NAB1: variants seen among roughly 807,000 people sequenced by gnomAD.
NAB1 encodes the protein NGFI-A binding protein 1.
NAB1 carries 25 observed loss-of-function variants against 49.9 expected under a neutral mutation model. The ratio of observed to expected loss-of-function variants is 0.50; its 90% CI spans 0.37 to 0.70. The LOEUF is 0.70. Among genes scored for constraint, NAB1 ranks in the 30% least tolerant of loss-of-function variants. The pLI, the probability that NAB1 is intolerant of heterozygous loss-of-function variation, is 0.00. For synonymous variants in NAB1, 198 were observed against 215.6 expected (o/e 0.92, Z 0.71); for missense variants, 489 against 575.9 (o/e 0.85, Z 1.54).
At chr2:190,662,829 T>G (rs989583294) in intron 4 of NAB1, among the ~76,000 whole-genome samples, 1 of 151,510 alleles carries the variant, frequency 6.6e-6, no homozygotes, top group African/African-American at 2.4e-5. Context: ...AAGAGGAGAA[T>G]GTAGTCAGCG....
rs1695209409 is a variant in NAB1, at chr2:190,679,140, T to C, written c.1006-4598T>C. Among the ~76,000 whole-genome samples, 1 of 152,236 alleles carries C rather than the reference T, an allele frequency of 6.6e-6. No homozygotes were observed. Among genetic ancestry groups the C allele is most frequent in the Non-Finnish European group, 1.5e-5 (1 of 68,042 alleles). ...TAGATTGCTCATAGTATGGTGCAGC[T>C]AGCTGGTGCCTGGGAAACAAGCTTA... On this transcript the variant is annotated intron_variant, in intron 6 of 9. Coordinates refer to ENST00000337386, the MANE Select transcript of NAB1 (RefSeq NM_005966.4). The surrounding 1 kb of genome is among the most constrained non-coding windows in gnomAD (Gnocchi z 5.3).
Position 190,659,760 on chromosome 2 carries a change from C to T in NAB1, c.584C>T (p.Ala195Val). The change falls in exon 4 of 10, where the codon GCT (alanine) becomes GTT (valine). Residue 195 changes from alanine to valine, a missense_variant. Physicochemically the swap from Ala to Val is moderately conservative, Grantham distance 64. Around this residue, in one of 4 missense-constraint regions of NAB1, gnomAD observed 204 missense variants for 220.9 expected, o/e 0.92. Transcript: ENST00000337386. The surrounding 1 kb of genome is among the most constrained non-coding windows in gnomAD (Gnocchi z 6.2). ...KESSEALDAA[A>V]ALSVAECVER... ...AGCAGTGAGGCGCTGGATGCTGCTGCTGCGCTCTCTGTGGCTGAGTGTGTG... is the reference window on the plus strand; with the variant it reads ...AGCAGTGAGGCGCTGGATGCTGCTGTTGCGCTCTCTGTGGCTGAGTGTGTG... 1 of 1,614,078 alleles carries T rather than the reference C, an allele frequency of 6.2e-7. No individual in the cohort carries two copies. Among genetic ancestry groups the T allele is most frequent in the Non-Finnish European group, 8.5e-7 (1 of 1,179,956 alleles).
chr2:190,664,526 TTTCCTTCCTTCCTTCC>T (rs112074461), intron 4 of NAB1, among the ~76,000 whole-genome samples: 11 of 127,624 alleles, frequency 8.6e-5, no homozygotes, highest in East Asian at 2.3e-4. Context: ...TCTTTTCTTT[TTTCCTTCCTTCCTTCC>T]TTCCTTCCTT....
Position 190,678,786 on chromosome 2 carries a change from C to T in NAB1, c.1006-4952C>T, listed in dbSNP as rs1471409804. Among the ~76,000 whole-genome samples, 5 of 152,176 alleles carry T rather than the reference C, an allele frequency of 3.3e-5. No homozygotes were observed. The highest frequency in any genetic ancestry group is 6.5e-5 in the Admixed American group (1 of 15,274). ...CTGGTCTAATTTGACGTAGACTCTT[C>T]CCCTCTGGATCAGAAAAAACAGAAG... On this transcript the variant is annotated intron_variant, in intron 6 of 9. Transcript: ENST00000337386. The surrounding 1 kb of genome is among the most constrained non-coding windows in gnomAD (Gnocchi z 4.9).
rs1471248100 is a variant in NAB1 at position 190,684,134 on chromosome 2, C to T, written c.1095+307C>T. On this transcript the variant is annotated intron_variant, in intron 7 of 9. Coordinates refer to ENST00000337386, the MANE Select transcript of NAB1 (RefSeq NM_005966.4). This position sits in a 1 kb window ranked among gnomAD's most constrained non-coding sequence, Gnocchi z 4.6. ...TAATCAGGAAAACCAGCCATGTTGA[C>T]CATGGCTGTGTGTAATGCAACTCTG... Among the ~76,000 whole-genome samples the T allele has an allele frequency of 6.6e-6, 1 of 152,142 alleles. No individual in the cohort carries two copies. The highest frequency in any genetic ancestry group is 1.5e-5 in the Non-Finnish European group (1 of 68,032).
At position 190,689,545 on chromosome 2, in the gene NAB1, G is replaced by A. The variant is rs1413980715; in HGVS notation, c.1376-700G>A. 6.6e-6 allele frequency among the ~76,000 whole-genome samples: 1 copy of A among 152,114 alleles called. No individual in the cohort carries two copies. The highest frequency in any genetic ancestry group is 2.4e-5 in the African/African-American group (1 of 41,408). On this transcript the variant is annotated intron_variant, in intron 9 of 9. Coordinates refer to ENST00000337386, the MANE Select transcript of NAB1 (RefSeq NM_005966.4). This position sits in a 1 kb window ranked among gnomAD's most constrained non-coding sequence, Gnocchi z 4.3. ...TGGATGTTTGCATGTATATGTGTGT[G>A]TACATATCTCCCAGTATTTGTACTT... is the stretch of plus-strand genomic sequence containing the variant.
rs1219937520 is a variant in NAB1 at position 190,654,274 on chromosome 2, A to T, written c.-196-1703A>T. 6.6e-6 allele frequency among the ~76,000 whole-genome samples: 1 copy of T among 152,200 alleles called. No homozygotes were observed. The highest frequency in any genetic ancestry group is 1.9e-4 in the East Asian group (1 of 5,196). On this transcript the variant is annotated intron_variant, in intron 2 of 9. Transcript: ENST00000337386. The surrounding 1 kb of genome is among the most constrained non-coding windows in gnomAD (Gnocchi z 5.6). ...CTGCACAGCATTTACCACATTGTTTAAGTCTCTGCTTCTTGTCTCTCCTTG... is the reference window on the plus strand; with the variant it reads ...CTGCACAGCATTTACCACATTGTTTTAGTCTCTGCTTCTTGTCTCTCCTTG...
Position 190,659,632 on chromosome 2 carries a change from G to A in NAB1, c.456G>A (p.Leu152=). ...CAGATGTGGTTGGGAGCCTAGCACT[G>A]CAGAGTGTTGGTGAGTCCAGACTCT... The part of the protein sequence containing the change: ...GKSDVVGSLA[L]QSVGESRLWQ... Residue 152 remains leucine, a synonymous_variant, in exon 4 of 10, where the codon CTG becomes CTA. Transcript: ENST00000337386. This position sits in a 1 kb window ranked among gnomAD's most constrained non-coding sequence, Gnocchi z 6.2. 1.2e-6 allele frequency: 2 copies of A among 1,614,110 alleles called. No individual in the cohort carries two copies. The highest frequency in any genetic ancestry group is 1.7e-6 in the Non-Finnish European group (2 of 1,180,032).
chr2:190,664,961 T>C (rs144205474), intron 4 of NAB1, among the ~76,000 whole-genome samples: 91 of 152,238 alleles, frequency 6.0e-4, no homozygotes, highest in Non-Finnish European at 1.0e-3. Context: ...ATATACTTTC[T>C]GTACAGATTT....
At position 190,663,894 on chromosome 2, in the gene NAB1, CA is replaced by C. The variant is rs1484419009; in HGVS notation, c.819+3902del. 1.3e-5 allele frequency among the ~76,000 whole-genome samples: 2 copies of C among 151,552 alleles called. No individual in the cohort carries two copies. Among genetic ancestry groups the C allele is most frequent in the Non-Finnish European group, 2.9e-5 (2 of 67,836 alleles). On this transcript the variant is annotated intron_variant, in intron 4 of 9. Transcript: ENST00000337386. The surrounding 1 kb of genome is among the most constrained non-coding windows in gnomAD (Gnocchi z 4.2). ...TTATTTAAAAGTGTTTCTTTATTTC[CA>C]AATATGAGTAATTTTTTTTCCTTAT... is the stretch of plus-strand genomic sequence containing the variant.
chr2:190,690,167 G>T (rs1695885227), intron 9 of NAB1, 78 bp from the exon 10 acceptor site: 14 of 1,017,682 alleles, frequency 1.4e-5, no homozygotes, highest in Admixed American at 5.4e-5. Flanking sequence ...GAGTTTGGGG[G>T]TTTGTTTTAA....
chr2:190,688,834 T>A (rs1377078366), intron 9 of NAB1, among the ~76,000 whole-genome samples: 3 of 152,096 alleles, frequency 2.0e-5, no homozygotes, highest in East Asian at 3.9e-4. Context: ...TTTCTTTTCT[T>A]TTCTTCCTTT....
In NAB1 at chr2:190,678,094, T is replaced by C. The variant is rs1161896506; in HGVS notation, c.1005+4942T>C. 2.0e-5 allele frequency among the ~76,000 whole-genome samples: 3 copies of C among 152,260 alleles called. No homozygotes were observed. The highest frequency in any genetic ancestry group is 2.9e-5 in the Non-Finnish European group (2 of 68,046). On this transcript the variant is annotated intron_variant, in intron 6 of 9. Coordinates refer to ENST00000337386, the MANE Select transcript of NAB1 (RefSeq NM_005966.4). The surrounding 1 kb of genome is among the most constrained non-coding windows in gnomAD (Gnocchi z 4.9). ...TATAAGAAATTTTCATTTGATATGC[T>C]GATTGTTTATGAGTAAAAACCTTGT...
rs1488001920 is a variant in NAB1 at position 190,669,049 on chromosome 2, C to G, written c.820-1277C>G. Among the ~76,000 whole-genome samples, 7 of 152,174 alleles carry G rather than the reference C, an allele frequency of 4.6e-5. No homozygotes were observed. The highest frequency in any genetic ancestry group is 8.8e-5 in the Non-Finnish European group (6 of 68,042). On this transcript the variant is annotated intron_variant, in intron 4 of 9. Transcript: ENST00000337386. The surrounding 1 kb of genome is among the most constrained non-coding windows in gnomAD (Gnocchi z 4.3). The stretch of plus-strand genomic sequence containing the variant: ...AATAAGGGTAACTGGAATATGAGCA[C>G]TGAGATATCAGAAGAGTCCATCTGT...
At chr2:190,653,511 C>A (rs1008955186) in intron 2 of NAB1, among the ~76,000 whole-genome samples, 1 of 152,110 alleles carries the variant, frequency 6.6e-6, no homozygotes, top group Non-Finnish European at 1.5e-5. Flanking sequence ...ATAAATAAGT[C>A]AGGCCTTACT....
chr2:190,687,500 G>C (rs1695677819), intron 9 of NAB1, among the ~76,000 whole-genome samples, 183 bp downstream of exon 9: 1 of 151,006 alleles, frequency 6.6e-6, no homozygotes, highest in Non-Finnish European at 1.5e-5. Context: ...AATGTTTTGA[G>C]TGTCAGAATG....
In NAB1 at chr2:190,692,739, T is replaced by A. The variant is rs115772259; in HGVS notation, c.*2406T>A. On this transcript the variant is annotated 3_prime_UTR_variant, in exon 10 of 10. Coordinates refer to ENST00000337386, the MANE Select transcript of NAB1 (RefSeq NM_005966.4). This position sits in a 1 kb window ranked among gnomAD's most constrained non-coding sequence, Gnocchi z 5.2. ...GTGGGACGAATGCACTTGCTTCCTGTGGCAATAAAGATTTTCTGTGCCTCA... is the reference window on the plus strand; with the variant it reads ...GTGGGACGAATGCACTTGCTTCCTGAGGCAATAAAGATTTTCTGTGCCTCA... The A allele has an allele frequency of 1.0e-4, 16 of 152,778 alleles. No homozygotes were observed. The highest frequency in any genetic ancestry group is 2.1e-4 in the Non-Finnish European group (14 of 68,042). The allele number at this position is 152,778 out of a possible 1,614,324, so 9.5% of individuals were successfully genotyped here. A position where few individuals can be genotyped will look rare whatever the true frequency, so the allele number is the denominator to read the frequency against.
rs1695815548 is a variant in NAB1, at chr2:190,689,615, T to C, written c.1376-630T>C. On this transcript the variant is annotated intron_variant, in intron 9 of 9. Transcript: ENST00000337386. This position sits in a 1 kb window ranked among gnomAD's most constrained non-coding sequence, Gnocchi z 4.3. ...ATTGTTATTCTGTAGTGTTTGTGTA[T>C]GGTTGAAATAACTGTACACATAGAA... Among the ~76,000 whole-genome samples the C allele has an allele frequency of 6.6e-6, 1 of 152,172 alleles. No individual in the cohort carries two copies. Among genetic ancestry groups the C allele is most frequent in the Admixed American group, 6.5e-5 (1 of 15,286 alleles).
At position 190,663,182 on chromosome 2, in the gene NAB1, C is replaced by T. The variant is rs1989344; in HGVS notation, c.819+3187C>T. 0.33 allele frequency among the ~76,000 whole-genome samples: 50,867 copies of T among 152,030 alleles called. 8,983 individuals are homozygous for T. The highest frequency in any genetic ancestry group is 0.47 in the South Asian group (2,251 of 4,820). On this transcript the variant is annotated intron_variant, in intron 4 of 9. Transcript: ENST00000337386. The surrounding 1 kb of genome is among the most constrained non-coding windows in gnomAD (Gnocchi z 4.2). ...ATTTTTAAAAATGAATTATGGTAGT[C>T]TATTTCTTGAGTCAATTTTGGTAAG...
Sources: gnomAD v4.1 joint callset for allele counts (sites outside exome capture counted in the v4.1 genomes callset) on GRCh38, gnomAD v4.1.1 for gene constraint, gnomAD v4.1.1 regional missense constraint, Gnocchi (gnomAD v3.1) non-coding constraint, MANE v1.5 for transcripts, NCBI Gene and HGNC (gene_info 2026-07-23, HGNC 2026-07-21) for gene names.